PTBP2: variants seen among roughly 807,000 people sequenced by gnomAD.
PTBP2 encodes polypyrimidine tract-binding protein 2.
PTBP2 carries 13 observed loss-of-function variants against 61.4 expected under a neutral mutation model. The ratio of observed to expected loss-of-function variants is 0.21; its 90% CI spans 0.14 to 0.34. The LOEUF (loss-of-function observed/expected upper bound fraction) is 0.34, where lower values mean the gene tolerates loss of function less well. Among genes scored for constraint, PTBP2 ranks in the 10% least tolerant of loss-of-function variants. The pLI is 1.00. For missense variants in PTBP2, 405 were observed against 642.6 expected, an observed-to-expected ratio of 0.63 and a Z score of 4.00; for synonymous variants, 215 against 218.5, an observed-to-expected ratio of 0.98 and a Z score of 0.14.
chr1:96,733,539 A>T (rs1418816524), intron 2 of PTBP2, among the ~76,000 whole-genome samples: 2 of 151,928 alleles, frequency 1.3e-5, no homozygotes, highest in East Asian at 3.9e-4. Flanking sequence ...AATTAGATAG[A>T]TCTGGTGGCA....
chr1:96,759,989 C>G (rs1655618093), intron 3 of PTBP2, among the ~76,000 whole-genome samples: 1 of 152,090 alleles, frequency 6.6e-6, no homozygotes, highest in Non-Finnish European at 1.5e-5. Flanking sequence ...GGGAAACTCT[C>G]CCCTTTTTAA....
chr1:96,791,052 T>C lies in PTBP2; in HGVS notation c.904+5798T>C, dbSNP rs544410569. 2.6e-5 allele frequency among the ~76,000 whole-genome samples: 4 copies of C among 152,332 alleles called. No individual in the cohort carries two copies. In the South Asian group the frequency reaches 8.3e-4, roughly 32 times the overall value. ...ACCATCCAGGTATGCATGTTATTTA[T>C]TCATTGAGAGGATATACATCTCTCA... On this transcript the variant is annotated intron_variant, in intron 8 of 13. Transcript: ENST00000674951.
chr1:96,797,249 C>T (rs1432471298), intron 8 of PTBP2, among the ~76,000 whole-genome samples: 1 of 152,098 alleles, frequency 6.6e-6, no homozygotes, highest in African/African-American at 2.4e-5. Flanking sequence ...CATCCTTATT[C>T]TTACCTTTGG....
intron 11 of PTBP2, 104 bp downstream of exon 11, chr1:96,807,062 AT>A: frequency 2.5e-6 from 2 of 798,366 alleles, no homozygotes; most frequent in Non-Finnish European, 3.9e-6. Context: ...GTAAGAAATT[AT>A]TTTAATGGCC....
intron 5 of PTBP2, among the ~76,000 whole-genome samples, chr1:96,772,138 T>C (rs779402489): frequency 6.6e-6 from 1 of 152,188 alleles, no homozygotes; most frequent in Non-Finnish European, 1.5e-5. Flanking sequence ...AAGTCAGGCC[T>C]CTGGAACTTC....
intron 5 of PTBP2, among the ~76,000 whole-genome samples, chr1:96,773,703 G>A (rs184290307): frequency 7.1e-4 from 108 of 152,068 alleles, no homozygotes; most frequent in African/African-American, 2.4e-3. Context: ...CAGGCTGTGC[G>A]TGGTGGCTCA....
At chr1:96,765,233 AAG>A (rs1337896253) in intron 3 of PTBP2, among the ~76,000 whole-genome samples, 1 of 152,186 alleles carries the variant, frequency 6.6e-6, no homozygotes, top group African/African-American at 2.4e-5. Flanking sequence ...ATATTTGATA[AAG>A]AGAGTTAGGA....
intron 3 of PTBP2, among the ~76,000 whole-genome samples, chr1:96,756,698 C>G (rs1481549329): frequency 2.6e-5 from 4 of 152,070 alleles, no homozygotes; most frequent in Non-Finnish European, 4.4e-5. Flanking sequence ...TTCTGCATAC[C>G]ATATGATTCC....
At position 96,813,281 on chromosome 1, in the gene PTBP2, AC is replaced by A; in HGVS notation, c.1473del (p.His491GlnfsTer18). 1 of 1,597,560 alleles carries A rather than the reference AC, an allele frequency of 6.3e-7. No homozygotes were observed. Among genetic ancestry groups the A allele is most frequent in the Non-Finnish European group, 8.5e-7 (1 of 1,175,422 alleles). ...TVKAFKFFQD[H>X]KMALLQMATV... ...TTATAATTTTGTTTCAGAAGAGATC[AC>A]AAAATGGCTCTTCTTCAGATGGCAA... On this transcript the variant is annotated frameshift_variant, in exon 14 of 14. Coordinates refer to ENST00000674951, the MANE Select transcript of PTBP2 (RefSeq NM_021190.4). LOFTEE classifies it high-confidence loss of function.
intron 8 of PTBP2, among the ~76,000 whole-genome samples, chr1:96,787,697 G>A (rs17115742): frequency 0.039 from 6,003 of 152,076 alleles, 379 homozygotes; most frequent in African/African-American, 0.13. Context: ...ACATGTTTCT[G>A]TACAAAATTA....
intron 3 of PTBP2, among the ~76,000 whole-genome samples, chr1:96,752,701 AAATTAATTTGG>A (rs1654708136): frequency 2.0e-5 from 3 of 152,234 alleles, no homozygotes. Flanking sequence ...CGATAATGGG[AAATTAATTTGG>A]AATTAATTTC....
intron 11 of PTBP2, 49 bp from the exon 12 acceptor site, chr1:96,812,663 G>A: frequency 7.3e-7 from 1 of 1,366,218 alleles, no homozygotes; most frequent in Non-Finnish European, 1.0e-6. Flanking sequence ...AATTATGTTT[G>A]TTTTGAGCTT....
intron 2 of PTBP2, among the ~76,000 whole-genome samples, chr1:96,744,993 A>G (rs1209840773): frequency 1.3e-5 from 2 of 152,126 alleles, no homozygotes; most frequent in Admixed American, 1.3e-4. Context: ...TTGGGTGACA[A>G]AATACCTGAT....
chr1:96,796,188 C>G (rs1257811201), intron 8 of PTBP2, among the ~76,000 whole-genome samples: 1 of 151,350 alleles, frequency 6.6e-6, no homozygotes, highest in Non-Finnish European at 1.5e-5. Context: ...CATGGTGGCT[C>G]ACACCTGCAA....
intron 3 of PTBP2, among the ~76,000 whole-genome samples, chr1:96,752,664 T>C (rs762383970): frequency 4.6e-5 from 7 of 152,100 alleles, no homozygotes; most frequent in Non-Finnish European, 7.4e-5. Context: ...CGGTTTCTCT[T>C]TTTGTTTTTA....
chr1:96,734,127 T>C (rs1651816254), intron 2 of PTBP2, among the ~76,000 whole-genome samples: 1 of 152,200 alleles, frequency 6.6e-6, no homozygotes, highest in African/African-American at 2.4e-5. Flanking sequence ...ACTTCTTTTT[T>C]AAAACTATTA....
At chr1:96,817,666 G>A (rs1033265971), downstream of PTBP2, 5 of 152,010 alleles carry the variant, frequency 3.3e-5, no homozygotes, top group African/African-American at 1.2e-4. Flanking sequence ...AAACGTTACA[G>A]AATGAACTGA....
chr1:96,801,188 A>G (rs1418588288), intron 8 of PTBP2, among the ~76,000 whole-genome samples: 1 of 152,088 alleles, frequency 6.6e-6, no homozygotes. Context: ...CTGAGATTTC[A>G]GGAGGGAAAA....
chr1:96,742,618 T>A (rs144265554), intron 2 of PTBP2, among the ~76,000 whole-genome samples: 219 of 151,962 alleles, frequency 1.4e-3, no homozygotes, highest in African/African-American at 5.2e-3. Flanking sequence ...TTATTTTCTT[T>A]TAAAATGCAT....
Sources: allele counts gnomAD v4.1 joint callset (sites outside exome capture counted in the v4.1 genomes callset), GRCh38; gene constraint gnomAD v4.1.1; transcripts MANE v1.5; gene names NCBI Gene and HGNC (gene_info 2026-07-23, HGNC 2026-07-21).